The following AIFM3 variants were observed in gnomAD, a reference collection of about 807,000 sequenced individuals.
AIFM3 encodes the protein apoptosis-inducing factor 3.
Under a neutral mutation model 82.7 loss-of-function variants are expected in AIFM3, and 71 were observed. That is an observed-to-expected ratio of 0.86 (90% confidence interval 0.71 to 1.05). The LOEUF is 1.05. AIFM3 is among the 50% of genes least tolerant of loss of function. AIFM3 has a pLI of 0.00. For synonymous variants in AIFM3, 337 were observed against 329.1 expected (o/e 1.02, Z -0.26); for missense variants, 748 against 816.7 (o/e 0.92, Z 1.03).
intron 13 of AIFM3, 36 bp downstream of exon 13, chr22:20,976,974 C>A: frequency 1.9e-6 from 3 of 1,614,068 alleles, no homozygotes; most frequent in Non-Finnish European, 2.5e-6. Context: ...TGCTTTCTGT[C>A]CTCTGTCCCC....
Position 20,979,354 on chromosome 22 carries a change from A to C in AIFM3, c.1561A>C (p.Ser521Arg), listed in dbSNP as rs1371845597. ...PYLWTAMFGK[S>R]LRYAGYGEGF... ...CCTCTGGACCGCCATGTTTGGCAAG[A>C]GCCTGCGCTACGCGGGTAACCCCGG... The change falls in exon 17 of 21, where the codon AGC becomes CGC. Residue 521 changes from serine (S) to arginine (R), a missense_variant. Ser to Arg is a moderately radical substitution (Grantham distance 110). Transcript: ENST00000440238. The C allele has an allele frequency of 2.6e-6, 4 of 1,542,622 alleles. No homozygotes were observed. The highest frequency in any genetic ancestry group is 3.5e-6 in the Non-Finnish European group (4 of 1,144,610).
intron 16 of AIFM3, among the ~76,000 whole-genome samples, chr22:20,979,014 C>T (rs1923877754): frequency 6.6e-6 from 1 of 152,188 alleles, no homozygotes; most frequent in African/African-American, 2.4e-5. Context: ...CCCCAAGAAG[C>T]AGACCTTCCA....
intron 2 of AIFM3, among the ~76,000 whole-genome samples, chr22:20,972,390 G>A (rs1601702189): frequency 7.8e-6 from 1 of 128,422 alleles, no homozygotes; most frequent in Non-Finnish European, 1.6e-5. Flanking sequence ...CAACAACAGC[G>A]AAACTCCATC....
intron 3 of AIFM3, 107 bp from the exon 4 acceptor site, chr22:20,973,651 G>A: frequency 7.1e-7 from 1 of 1,399,604 alleles, no homozygotes; most frequent in Non-Finnish European, 9.7e-7. Context: ...TGCCTTTGTG[G>A]CTTCTACCGG....
rs373473269 is a variant in AIFM3, at chr22:20,976,717, C to G, written c.1097C>G (p.Thr366Arg). ...GTGTCTGTGGTGGAGCTGGAGGAGA[C>G]GCCCTTCAGGAGGTTCCTGGGGGAG... ...HSVSVVELEE[T>R]PFRRFLGERV... Residue 366 changes from threonine (T) to arginine (R), a missense_variant, in exon 12 of 21, where the codon ACG (threonine) becomes AGG (arginine). Thr to Arg is a moderately conservative substitution (Grantham distance 71). This residue lies in a region of AIFM3 where 393 missense variants were observed against 481.1 expected (regional missense o/e 0.82). Transcript: ENST00000440238. 1.2e-6 allele frequency: 2 copies of G among 1,609,074 alleles called. No homozygotes were observed. Among genetic ancestry groups the G allele is most frequent in the African/African-American group, 1.3e-5 (1 of 74,814 alleles).
At position 20,979,312 on chromosome 22, in the gene AIFM3, A is replaced by G; in HGVS notation, c.1519A>G (p.Met507Val). Residue 507 changes from methionine to valine, a missense_variant, in exon 17 of 21, where the codon ATG becomes GTG. By Grantham distance (21) the Met-to-Val change is conservative. This residue lies in a region of AIFM3 where 183 missense variants were observed against 158.2 expected (regional missense o/e 1.16). Transcript: ENST00000440238. ...GAACATGTTGGCGCAGGAGGCGGAG[A>G]TGAGCACTGTGCCCTACCTCTGGAC... ...AQNMLAQEAE[M>V]STVPYLWTAM... is the part of the protein sequence containing the mutation. 6.4e-7 allele frequency: 1 copy of G among 1,560,346 alleles called. No homozygotes were observed. The highest frequency in any genetic ancestry group is 1.2e-5 in the South Asian group (1 of 84,776).
At chr22:20,968,796 G>GCCCCAGCCAGCTCA (rs563539027) in intron 2 of AIFM3, among the ~76,000 whole-genome samples, 18 of 151,996 alleles carry the variant, frequency 1.2e-4, no homozygotes, top group African/African-American at 2.2e-4. Context: ...AGGCCACGCT[G>GCCCCAGCCAGCTCA]CCCCAGCCAG....
chr22:20,979,637 A>C lies in AIFM3; in HGVS notation c.1587A>C (p.Glu529Asp), dbSNP rs771570968. The C allele has an allele frequency of 6.2e-7, 1 of 1,614,200 alleles. No individual in the cohort carries two copies. The highest frequency in any genetic ancestry group is 1.7e-5 in the Admixed American group (1 of 60,028). The change falls in exon 18 of 21, where the codon GAA (glutamate) becomes GAC (aspartate). Residue 529 changes from glutamate to aspartate, a missense_variant. This residue lies in a region of AIFM3 where 183 missense variants were observed against 158.2 expected (regional missense o/e 1.16). Coordinates refer to ENST00000440238, the MANE Select transcript of AIFM3 (RefSeq NM_001386814.1). Reference sequence around the variant, plus strand: ...CTGCCCGGCCCACAGGCTACGGAGAAGGCTTCGACGACGTCATCATCCAGG... The same window carrying C: ...CTGCCCGGCCCACAGGCTACGGAGACGGCTTCGACGACGTCATCATCCAGG... The part of the protein sequence containing the change: ...GKSLRYAGYG[E>D]GFDDVIIQGD...
In AIFM3 at chr22:20,973,351, A is replaced by C; in HGVS notation, c.76A>C (p.Lys26Gln). ...GGTGCTGCCTGAGAAGGAGCGAGGC[A>C]AGGAGGAGCTGTCGGCCAGTGGGAA... ...EVVLPEKERG[K>Q]EELSASGKGS... Residue 26 changes from lysine (K) to glutamine (Q), a missense_variant, in exon 3 of 21, where the codon AAG becomes CAG. By Grantham distance (53) the Lys-to-Gln change is moderately conservative. Around this residue, in one of 5 missense-constraint regions of AIFM3, gnomAD observed 7 missense variants for 24.3 expected, o/e 0.29. Coordinates refer to ENST00000440238, the MANE Select transcript of AIFM3 (RefSeq NM_001386814.1). 2 of 1,608,184 alleles carry C rather than the reference A, an allele frequency of 1.2e-6. No individual in the cohort carries two copies. The highest frequency in any genetic ancestry group is 2.2e-5 in the South Asian group (2 of 90,126).
intron 9 of AIFM3, 135 bp downstream of exon 9, chr22:20,975,913 C>T (rs1432807982): frequency 3.0e-6 from 3 of 995,600 alleles, no homozygotes; most frequent in African/African-American, 3.2e-5. Flanking sequence ...GTGCTCCAGG[C>T]TTGGGAGACA....
intron 18 of AIFM3, 90 bp from the exon 19 acceptor site, chr22:20,979,930 C>G (rs1923976563): frequency 7.6e-7 from 1 of 1,319,840 alleles, no homozygotes; most frequent in South Asian, 1.3e-5. Context: ...AGGTCCTTCC[C>G]TGGGCCCCAG....
rs201528365 is a variant in AIFM3, at chr22:20,980,772, G to A, written c.1778+5G>A. ...GCTGTTTGTGCTGCACAGCAAGTAC[G>A]TGTGTCCTTCATGTTGACCGTTCTG... is the stretch of plus-strand genomic sequence containing the variant. On this transcript the variant is annotated splice_donor_5th_base_variant and intron_variant, in intron 20 of 20. Coordinates refer to ENST00000440238, the MANE Select transcript of AIFM3 (RefSeq NM_001386814.1). The A allele has an allele frequency of 9.7e-5, 156 of 1,614,064 alleles. No homozygotes were observed. Among genetic ancestry groups the A allele is most frequent in the East Asian group, 1.3e-4 (6 of 44,902 alleles).
rs1923723076 is a variant in AIFM3, at chr22:20,976,956, C to T, written c.1218+18C>T. ...AGGGAAAGGTGGGCCCTTCTCCCTT[C>T]TCCCTGCTGCTTTCTGTCCTCTGTC... is the stretch of plus-strand genomic sequence containing the variant. On this transcript the variant is annotated intron_variant, in intron 13 of 20. Transcript: ENST00000440238. 6.2e-7 allele frequency: 1 copy of T among 1,613,166 alleles called. No individual in the cohort carries two copies. The highest frequency in any genetic ancestry group is 1.7e-5 in the Admixed American group (1 of 60,010).
At chr22:20,969,245 G>A (rs1839124879) in intron 2 of AIFM3, among the ~76,000 whole-genome samples, 1 of 152,180 alleles carries the variant, frequency 6.6e-6, no homozygotes, top group South Asian at 2.1e-4. Context: ...GTGGCCCCAG[G>A]ACTTCCAGTG....
Position 20,973,457 on chromosome 22 carries a change from AC to A in AIFM3, c.186del (p.Ser63AlafsTer34), listed in dbSNP as rs1197894880. 6.2e-7 allele frequency: 1 copy of A among 1,612,670 alleles called. No individual in the cohort carries two copies. Among genetic ancestry groups the A allele is most frequent in the African/African-American group, 1.3e-5 (1 of 74,790 alleles). ...GAGCGCCTGTCCACCCCTCACCCCT[AC>A]CCCAGCCCTCAGGATTGCGTGGAGG... ...TEERLSTPHPYPSPQDCVEAA... is the reference protein window; with the variant it reads ...TEERLSTPHPXPSPQDCVEAA... On this transcript the variant is annotated frameshift_variant, in exon 3 of 21. Coordinates refer to ENST00000440238, the MANE Select transcript of AIFM3 (RefSeq NM_001386814.1). LOFTEE classifies it high-confidence loss of function.
intron 11 of AIFM3, 30 bp from the exon 12 acceptor site, chr22:20,976,621 G>A (rs1240783046): frequency 3.1e-6 from 5 of 1,611,850 alleles, no homozygotes; most frequent in Non-Finnish European, 4.2e-6. Context: ...AGGTGCAGGT[G>A]CCAGCCTGCC....
At position 20,979,375 on chromosome 22, in the gene AIFM3, C is replaced by T; in HGVS notation, c.1576+6C>T. 1 of 1,550,878 alleles carries T rather than the reference C, an allele frequency of 6.4e-7. No homozygotes were observed. Among genetic ancestry groups the T allele is most frequent in the South Asian group, 1.2e-5 (1 of 84,118 alleles). ...CAAGAGCCTGCGCTACGCGGGTAAC[C>T]CCGGGGCCTCGGATGGGGGCGGGGC... is the stretch of plus-strand genomic sequence containing the variant. On this transcript the variant is annotated splice_donor_region_variant and intron_variant, in intron 17 of 20. Coordinates refer to ENST00000440238, the MANE Select transcript of AIFM3 (RefSeq NM_001386814.1).
chr22:20,979,455 C>A, intron 17 of AIFM3, 86 bp downstream of exon 17: 1 of 1,475,912 alleles, frequency 6.8e-7, no homozygotes, highest in Non-Finnish European at 9.3e-7. Flanking sequence ...AGCCTAGGGG[C>A]AGGGCTATGA....
rs1357468674 is a variant in AIFM3 at position 20,973,783 on chromosome 22, G to A, written c.271G>A (p.Gly91Arg). The change falls in exon 4 of 21, where the codon GGG becomes AGG. Residue 91 changes from glycine (G) to arginine (R), a missense_variant. Physicochemically the swap from Gly to Arg is moderately radical, Grantham distance 125. Around this residue, in one of 5 missense-constraint regions of AIFM3, gnomAD observed 148 missense variants for 134.1 expected, o/e 1.10. Transcript: ENST00000440238. ...GATGCGGGAAGTGGAGCTGGGCTGG[G>A]GGAAGGTGTTGCTGGTGAAGGACAA... ...GQMREVELGWGKVLLVKDNGE... is the reference protein window; with the variant it reads ...GQMREVELGWRKVLLVKDNGE... 1.9e-6 allele frequency: 3 copies of A among 1,579,650 alleles called. No homozygotes were observed. The highest frequency in any genetic ancestry group is 1.7e-4 in the Middle Eastern group (1 of 5,748).
Sources: allele counts gnomAD v4.1 joint callset (sites outside exome capture counted in the v4.1 genomes callset), GRCh38; gene constraint gnomAD v4.1.1; regional missense constraint gnomAD v4.1.1; transcripts MANE v1.5; gene names NCBI Gene and HGNC (gene_info 2026-07-23, HGNC 2026-07-21).